AFP: variants seen among roughly 807,000 people sequenced by gnomAD.
The protein encoded by AFP is alpha-fetoprotein.
In AFP, 64 loss-of-function variants were observed where a neutral mutation model predicts 78.9. The ratio of observed to expected loss-of-function variants is 0.81; its 90% CI spans 0.66 to 1.00. The LOEUF (loss-of-function observed/expected upper bound fraction) is 1.00, where lower values mean the gene tolerates loss of function less well. AFP is among the 50% of genes least tolerant of loss of function. AFP has a pLI of 0.00. For synonymous variants in AFP, 254 were observed against 243.8 expected, an observed-to-expected ratio of 1.04 and a Z score of -0.39; for missense variants, 689 against 703.8, an observed-to-expected ratio of 0.98 and a Z score of 0.24.
chr4:73,453,998 CAG>C, intron 13 of AFP, 101 bp downstream of exon 13: 5 of 1,403,086 alleles, frequency 3.6e-6, no homozygotes, highest in Non-Finnish European at 4.9e-6. Context: ...AAAATATTTT[CAG>C]AGAGATTTAA....
At position 73,438,245 on chromosome 4, in the gene AFP, C is replaced by G. The variant is rs367831004; in HGVS notation, c.209C>G (p.Ala70Gly). The change falls in exon 3 of 15, where the codon GCA becomes GGA. Residue 70 changes from alanine (A) to glycine (G), a missense_variant. Ala to Gly is a moderately conservative substitution (Grantham distance 60). Transcript: ENST00000395792. ...GAAGTAAGCAAAATGGTGAAAGATG[C>G]ATTGACTGCAATTGAGAAACCCACT... ...YKEVSKMVKDALTAIEKPTGD... is the reference protein window; with the variant it reads ...YKEVSKMVKDGLTAIEKPTGD... The G allele has an allele frequency of 3.1e-6, 5 of 1,613,464 alleles. No homozygotes were observed. The highest frequency in any genetic ancestry group is 4.2e-6 in the Non-Finnish European group (5 of 1,179,552).
chr4:73,438,454 A>G, intron 3 of AFP, 148 bp downstream of exon 3: 1 of 913,390 alleles, frequency 1.1e-6, no homozygotes, highest in Non-Finnish European at 1.6e-6. Flanking sequence ...CTGAATTGCT[A>G]AAGAGGGCAG....
intron 7 of AFP, among the ~76,000 whole-genome samples, chr4:73,446,965 A>G (rs1318768304): frequency 2.6e-5 from 4 of 152,184 alleles, no homozygotes; most frequent in Non-Finnish European, 5.9e-5. Flanking sequence ...TTTCTTTTTA[A>G]TTGATAGGTC....
At chr4:73,447,440 T>C in intron 7 of AFP, 22 bp from the exon 8 acceptor site, 3 of 1,542,490 alleles carry the variant, frequency 1.9e-6, no homozygotes, top group Admixed American at 1.8e-5. Flanking sequence ...TTAAAACTTA[T>C]ACTTTATTTT....
In AFP at chr4:73,454,046, A is replaced by G. The variant is rs1229923064; in HGVS notation, c.1785+149A>G. 3 of 865,402 alleles carry G rather than the reference A, an allele frequency of 3.5e-6. No homozygotes were observed. In the African/African-American group the frequency reaches 5.2e-5, roughly 15 times the overall value. 53.6% of individuals were successfully genotyped at this position (865,402 alleles called of 1,614,324 possible). On this transcript the variant is annotated intron_variant, in intron 13 of 14. Coordinates refer to ENST00000395792, the MANE Select transcript of AFP (RefSeq NM_001134.3). ...GAAGCAGATTGAGGGATTCTATAAGATTTAAAAAATAATCACATTTTCTTG... is the reference window on the plus strand; with the variant it reads ...GAAGCAGATTGAGGGATTCTATAAGGTTTAAAAAATAATCACATTTTCTTG...
chr4:73,455,789 G>A lies in AFP; in HGVS notation c.*169G>A, dbSNP rs965150509. The A allele has an allele frequency of 3.2e-6, 2 of 622,448 alleles. No individual in the cohort carries two copies. The highest frequency in any genetic ancestry group is 5.7e-5 in the East Asian group (2 of 35,050). The allele number at this position is 622,448 out of a possible 1,614,324, so 38.6% of individuals were successfully genotyped here. A position where few individuals can be genotyped will look rare whatever the true frequency, so the allele number is the denominator to read the frequency against. On this transcript the variant is annotated 3_prime_UTR_variant, in exon 15 of 15. Transcript: ENST00000395792. ...TATCTCCAAATGTTTCCTTTTCCAA[G>A]TTTGCTTATTTATGAAAAGTTATCG...
In AFP at chr4:73,449,327, T is replaced by C; in HGVS notation, c.1059-8T>C. 6.2e-7 allele frequency: 1 copy of C among 1,611,782 alleles called. No homozygotes were observed. The highest frequency in any genetic ancestry group is 8.5e-7 in the Non-Finnish European group (1 of 1,178,492). On this transcript the variant is annotated splice_region_variant and splice_polypyrimidine_tract_variant and intron_variant, in intron 8 of 14. Coordinates refer to ENST00000395792, the MANE Select transcript of AFP (RefSeq NM_001134.3). Reference sequence around the variant, plus strand: ...ATAACTTGAAATATTTTTCTCCACATATTTCAGTTTTGTTCATGAATATTC... The same window carrying C: ...ATAACTTGAAATATTTTTCTCCACACATTTCAGTTTTGTTCATGAATATTC...
At chr4:73,441,568 A>AAC (rs1719667411) in intron 4 of AFP, among the ~76,000 whole-genome samples, 2 of 2,824 alleles carry the variant, frequency 7.1e-4, no homozygotes, top group South Asian at 0.042. Context: ...ACTCCGTCTC[A>AAC]AAAAAAAAAA....
Position 73,449,457 on chromosome 4 carries a change from A to C in AFP, c.1181A>C (p.Gln394Pro), listed in dbSNP as rs1306157782. 3 of 1,613,586 alleles carry C rather than the reference A, an allele frequency of 1.9e-6. No individual in the cohort carries two copies. Among genetic ancestry groups the C allele is most frequent in the Non-Finnish European group, 2.5e-6 (3 of 1,179,664 alleles). The change falls in exon 9 of 15, where the codon CAA becomes CCA. Residue 394 changes from glutamine to proline, a missense_variant. Transcript: ENST00000395792. ...CFQTENPLEC[Q>P]DKGEEELQKY... ...CAGACTGAAAACCCTCTTGAATGCC[A>C]AGATAAAGGAGTAAGTTGCTCTAGA...
intron 3 of AFP, among the ~76,000 whole-genome samples, chr4:73,438,799 T>C (rs914077025): frequency 6.6e-6 from 1 of 152,170 alleles, no homozygotes; most frequent in Admixed American, 6.5e-5. Context: ...AGTCAAGAGA[T>C]GCTGGCTCGG....
At chr4:73,446,770 A>G (rs963605010) in intron 7 of AFP, among the ~76,000 whole-genome samples, 9 of 152,254 alleles carry the variant, frequency 5.9e-5, no homozygotes, top group African/African-American at 1.9e-4. Flanking sequence ...ATAGAAATAC[A>G]TATAGCAACA....
intron 10 of AFP, 129 bp downstream of exon 10, chr4:73,450,262 TC>T: frequency 1.2e-6 from 1 of 817,998 alleles, no homozygotes; most frequent in Non-Finnish European, 2.0e-6. Context: ...GACTTTAAGT[TC>T]CCCATACTGT....
At chr4:73,441,980 A>G (rs1246176349) in intron 4 of AFP, among the ~76,000 whole-genome samples, 4 of 152,178 alleles carry the variant, frequency 2.6e-5, no homozygotes, top group African/African-American at 9.6e-5. Context: ...TCCCTGAAAC[A>G]TATCTGAGTA....
At chr4:73,443,472 G>A (rs1166423092) in intron 6 of AFP, 28 bp downstream of exon 6, 1 of 1,538,446 alleles carries the variant, frequency 6.5e-7, no homozygotes, top group Admixed American at 1.7e-5. Flanking sequence ...CTAGGGAAGA[G>A]GGTGAGAGCT....
At chr4:73,449,254 T>A (rs1395561533) in intron 8 of AFP, 81 bp from the exon 9 acceptor site, 5 of 1,280,102 alleles carry the variant, frequency 3.9e-6, no homozygotes, top group Non-Finnish European at 5.5e-6. Context: ...TGCCATATTA[T>A]ATAGGAATAA....
intron 4 of AFP, among the ~76,000 whole-genome samples, chr4:73,442,066 G>A (rs1157824733): frequency 6.6e-6 from 1 of 152,078 alleles, no homozygotes; most frequent in African/African-American, 2.4e-5. Flanking sequence ...ATAGAATCTG[G>A]TACCATCTGT....
At chr4:73,443,588 C>T in intron 6 of AFP, 144 bp downstream of exon 6, 1 of 671,010 alleles carries the variant, frequency 1.5e-6, no homozygotes, top group South Asian at 1.8e-5. Context: ...GGGATTAGAA[C>T]CATGAACTCT....
At chr4:73,450,462 A>T (rs1390974290) in intron 10 of AFP, 153 bp from the exon 11 acceptor site, 1 of 1,007,230 alleles carries the variant, frequency 9.9e-7, no homozygotes, top group African/African-American at 1.6e-5. Context: ...GAGTAAATGC[A>T]TCTCAAAAGT....
At chr4:73,447,360 C>T (rs1577956295) in intron 7 of AFP, 102 bp from the exon 8 acceptor site, 11 of 772,252 alleles carry the variant, frequency 1.4e-5, no homozygotes, top group Admixed American at 3.1e-5. Context: ...TCTTTGTTCC[C>T]TTCTCCCTCC....
Sources: gnomAD v4.1 joint callset for allele counts (sites outside exome capture counted in the v4.1 genomes callset) on GRCh38, gnomAD v4.1.1 for gene constraint, MANE v1.5 for transcripts, NCBI Gene and HGNC (gene_info 2026-07-23, HGNC 2026-07-21) for gene names.